STK39: variants seen among roughly 807,000 people sequenced by gnomAD.
STK39 encodes serine/threonine kinase 39.
STK39 carries 20 observed loss-of-function variants against 77.8 expected under a neutral mutation model. The observed-to-expected ratio is 0.26, with a 90% confidence interval of 0.18 to 0.37. The LOEUF (loss-of-function observed/expected upper bound fraction) is 0.37, where lower values mean the gene tolerates loss of function less well. STK39 is among the 10% of genes least tolerant of loss of function. The pLI is 1.00. For missense variants in STK39, 479 were observed against 656.5 expected (o/e 0.73, Z 2.95); for synonymous variants, 246 against 234.1 (o/e 1.05, Z -0.47).
intron 2 of STK39, among the ~76,000 whole-genome samples, chr2:168,176,303 C>G (rs962152515): frequency 6.6e-5 from 10 of 151,376 alleles, no homozygotes; most frequent in African/African-American, 1.2e-4. Context: ...TTCTCCCCCC[C>G]TTAAACCTCA....
intron 14 of STK39, among the ~76,000 whole-genome samples, chr2:168,038,254 C>T (rs1685009630): frequency 1.3e-5 from 2 of 151,394 alleles, no homozygotes; most frequent in Admixed American, 6.6e-5. Flanking sequence ...TTTTTGCATC[C>T]CCCCAAGCCC....
At chr2:168,175,868 T>C (rs1284202448) in intron 2 of STK39, among the ~76,000 whole-genome samples, 1 of 152,098 alleles carries the variant, frequency 6.6e-6, no homozygotes, top group East Asian at 1.9e-4. Context: ...ACAAAATATA[T>C]TAAAATAATT....
At chr2:168,198,079 CAAT>C (rs909476537) in intron 1 of STK39, among the ~76,000 whole-genome samples, 12 of 150,008 alleles carry the variant, frequency 8.0e-5, no homozygotes, top group Non-Finnish European at 1.3e-4. Flanking sequence ...TACTAAACAA[CAAT>C]GACAAAAAGT....
intron 1 of STK39, among the ~76,000 whole-genome samples, chr2:168,189,476 T>C (rs1329240128): frequency 1.3e-5 from 2 of 151,802 alleles, no homozygotes; most frequent in African/African-American, 4.8e-5. Context: ...AGTATGTGGA[T>C]TGGGATACCT....
Position 168,200,067 on chromosome 2 carries a change from G to A in STK39, c.209-17977C>T, listed in dbSNP as rs529849518. Among the ~76,000 whole-genome samples the A allele has an allele frequency of 1.7e-3, 257 of 152,218 alleles. 2 individuals carry two copies. The highest frequency in any genetic ancestry group is 5.9e-3 in the African/African-American group (246 of 41,522). On this transcript the variant is annotated intron_variant, in intron 1 of 17. Coordinates refer to ENST00000355999, the MANE Select transcript of STK39 (RefSeq NM_013233.3). The stretch of plus-strand genomic sequence containing the variant: ...CACATTCTCCAGCAACAACCAGAAC[G>A]ACCAAATAGGGCCAACAAAATAATG...
intron 8 of STK39, among the ~76,000 whole-genome samples, chr2:168,137,407 A>G (rs1682149722): frequency 6.6e-6 from 1 of 152,208 alleles, no homozygotes; most frequent in Non-Finnish European, 1.5e-5. Context: ...GTGACAAAGA[A>G]CAGTGGGCTC....
chr2:168,062,947 A>C (rs1277605264), intron 14 of STK39, among the ~76,000 whole-genome samples: 1 of 152,156 alleles, frequency 6.6e-6, no homozygotes, highest in African/African-American at 2.4e-5. Context: ...AAAACGGAAA[A>C]CGCTTTCATT....
chr2:168,066,959 C>G (rs1685811033), intron 12 of STK39, among the ~76,000 whole-genome samples: 1 of 152,246 alleles, frequency 6.6e-6, no homozygotes, highest in Admixed American at 6.5e-5. Context: ...GTGGCTCATG[C>G]CTCTAATCCC....
intron 12 of STK39, among the ~76,000 whole-genome samples, chr2:168,070,778 T>C (rs943269792): frequency 2.0e-5 from 3 of 152,132 alleles, no homozygotes; most frequent in East Asian, 1.9e-4. Context: ...CATGAACTCA[T>C]CCTTTTTTTA....
At chr2:168,082,469 T>C (rs1050404867) in intron 10 of STK39, among the ~76,000 whole-genome samples, 5 of 152,236 alleles carry the variant, frequency 3.3e-5, no homozygotes, top group Admixed American at 6.5e-5. Flanking sequence ...GACTTCCTAA[T>C]AGTGTAATTC....
Position 168,136,512 on chromosome 2 carries a change from A to G in STK39, c.974+1576T>C, listed in dbSNP as rs185030143. 2.2e-3 allele frequency among the ~76,000 whole-genome samples: 342 copies of G among 152,340 alleles called. 3 individuals are homozygous for G. The highest frequency in any genetic ancestry group is 7.6e-3 in the African/African-American group (315 of 41,588). On this transcript the variant is annotated intron_variant, in intron 8 of 17. Transcript: ENST00000355999. ...AAGTACACTAACGATTCTACCCTAC[A>G]GAACAATTTTCTTAAAAAACTGGAA...
intron 10 of STK39, among the ~76,000 whole-genome samples, chr2:168,105,869 T>C (rs1195126020): frequency 6.6e-6 from 1 of 152,202 alleles, no homozygotes; most frequent in African/African-American, 2.4e-5. Flanking sequence ...AGATAAGAAC[T>C]CTTGTGTTCC....
chr2:168,200,180 C>T (rs1469074152), intron 1 of STK39, among the ~76,000 whole-genome samples: 6 of 152,162 alleles, frequency 3.9e-5, no homozygotes, highest in Non-Finnish European at 7.4e-5. Context: ...AAAACCTATA[C>T]ATCAAAACAC....
At chr2:168,030,902 A>G (rs1038223136) in intron 14 of STK39, among the ~76,000 whole-genome samples, 1 of 152,248 alleles carries the variant, frequency 6.6e-6, no homozygotes, top group Non-Finnish European at 1.5e-5. Context: ...TGTATATCAG[A>G]AGGAAACATC....
At chr2:168,226,658 C>G (rs1461134071) in intron 1 of STK39, among the ~76,000 whole-genome samples, 1 of 151,796 alleles carries the variant, frequency 6.6e-6, no homozygotes, top group Non-Finnish European at 1.5e-5. Context: ...TTCTCCTGAC[C>G]TTAGATATTT....
At chr2:168,213,174 G>A (rs895606817) in intron 1 of STK39, among the ~76,000 whole-genome samples, 2 of 152,086 alleles carry the variant, frequency 1.3e-5, no homozygotes, top group African/African-American at 2.4e-5. Context: ...GTAGATAGAT[G>A]GATTAATCAT....
Position 168,163,896 on chromosome 2 carries a change from G to T in STK39, c.431-16C>A, listed in dbSNP as rs1688636953. The stretch of plus-strand genomic sequence containing the variant: ...AACATTGAACCTAAGTAGACAAACA[G>T]AAGAATTAAAACATAAGCACCTTCA... On this transcript the variant is annotated splice_polypyrimidine_tract_variant and intron_variant, in intron 3 of 17. Coordinates refer to ENST00000355999, the MANE Select transcript of STK39 (RefSeq NM_013233.3). 6.2e-7 allele frequency: 1 copy of T among 1,610,038 alleles called. No individual in the cohort carries two copies. Among genetic ancestry groups the T allele is most frequent in the African/African-American group, 1.3e-5 (1 of 74,534 alleles).
intron 1 of STK39, among the ~76,000 whole-genome samples, chr2:168,239,350 C>A (rs1690700541): frequency 6.6e-6 from 1 of 152,202 alleles, no homozygotes; most frequent in African/African-American, 2.4e-5. Context: ...CTACGGATGC[C>A]AGAACTGTGG....
At chr2:168,196,085 A>T (rs1026304658) in intron 1 of STK39, among the ~76,000 whole-genome samples, 1 of 152,240 alleles carries the variant, frequency 6.6e-6, no homozygotes, top group African/African-American at 2.4e-5. Flanking sequence ...TCAAACACAT[A>T]TGATCTACTG....
Sources: gnomAD v4.1 joint callset for allele counts (sites outside exome capture counted in the v4.1 genomes callset) on GRCh38, gnomAD v4.1.1 for gene constraint, MANE v1.5 for transcripts, NCBI Gene and HGNC (gene_info 2026-07-23, HGNC 2026-07-21) for gene names.